The following CRACR2A variants were observed in gnomAD, a reference collection of about 807,000 sequenced individuals.
CRACR2A encodes calcium release activated channel regulator 2A.
Under a neutral mutation model 90.5 loss-of-function variants are expected in CRACR2A, and 79 were observed. That is an observed-to-expected ratio of 0.87 (90% CI 0.73 to 1.05). CRACR2A has a LOEUF of 1.05. Ranked by LOEUF, CRACR2A falls within the 50% of genes least tolerant of loss-of-function variation. CRACR2A has a pLI of 0.00. For synonymous variants in CRACR2A, 338 were observed against 356.7 expected (o/e 0.95, Z 0.59); for missense variants, 823 against 897.2 (o/e 0.92, Z 1.06).
At chr12:3,723,630 C>A (rs565494367) in intron 2 of CRACR2A, among the ~76,000 whole-genome samples, 1 of 152,068 alleles carries the variant, frequency 6.6e-6, no homozygotes, top group Non-Finnish European at 1.5e-5. Context: ...CCATCCTGCT[C>A]CCTAACCTCA....
intron 2 of CRACR2A, among the ~76,000 whole-genome samples, chr12:3,721,476 C>T (rs1162928338): frequency 1.3e-5 from 2 of 151,440 alleles, no homozygotes. Flanking sequence ...TGCCTGTAGT[C>T]CTAGCTACTT....
chr12:3,734,213 G>A (rs192793366), intron 1 of CRACR2A, among the ~76,000 whole-genome samples: 1,656 of 151,788 alleles, frequency 0.011, 31 homozygotes, highest in African/African-American at 0.038. Context: ...TCCTGACCTC[G>A]TGATCTGCCC....
intron 4 of CRACR2A, among the ~76,000 whole-genome samples, chr12:3,688,701 T>C (rs1407482919): frequency 6.6e-6 from 1 of 152,236 alleles, no homozygotes; most frequent in Non-Finnish European, 1.5e-5. Flanking sequence ...AATTTTAAAA[T>C]AGTTTTTTCT....
chr12:3,696,274 G>A (rs1945738620), intron 4 of CRACR2A, among the ~76,000 whole-genome samples: 1 of 152,226 alleles, frequency 6.6e-6, no homozygotes, highest in Non-Finnish European at 1.5e-5. Flanking sequence ...GTGCACTGAT[G>A]CTCTGCATAC....
At chr12:3,664,655 G>A (rs1945095409) in intron 7 of CRACR2A, among the ~76,000 whole-genome samples, 1 of 152,188 alleles carries the variant, frequency 6.6e-6, no homozygotes, top group South Asian at 2.1e-4. Flanking sequence ...TCTCTGAGAT[G>A]TTAATTAGTG....
Position 3,673,454 on chromosome 12 carries a change from G to C in CRACR2A, c.663C>G (p.Ala221=). The part of the protein sequence containing the change: ...AHEEKNELEC[A]LKRKIAAYDE... ...GACACTGGGGTACCCACCTTTTTAGGGCACACTCCAGTTCATTCTTCTCCT... is the reference window on the plus strand; with the variant it reads ...GACACTGGGGTACCCACCTTTTTAGCGCACACTCCAGTTCATTCTTCTCCT... Residue 221 remains alanine, a synonymous_variant, in exon 7 of 20, where the codon GCC becomes GCG. Transcript: ENST00000440314. 6.2e-7 allele frequency: 1 copy of C among 1,610,976 alleles called. No individual in the cohort carries two copies. The highest frequency in any genetic ancestry group is 8.5e-7 in the Non-Finnish European group (1 of 1,179,202).
chr12:3,638,370 C>T lies in CRACR2A; in HGVS notation c.1356G>A (p.Glu452=), dbSNP rs1192888757. 3.2e-6 allele frequency: 5 copies of T among 1,551,552 alleles called. No individual in the cohort carries two copies. The African/African-American group carries it at 6.8e-5, about 21-fold the overall frequency. Residue 452 remains glutamate, a synonymous_variant, in exon 14 of 20, where the codon GAG becomes GAA. Transcript: ENST00000440314. ...GLSGYPLTEE[E]PGTGEPGPGG... is the part of the protein sequence containing the mutation. Reference sequence around the variant, plus strand: ...CAGGCCCTGGCTCCCCGGTTCCTGGCTCCTCTTCTGTTAGGGGATATCCAC... The same window carrying T: ...CAGGCCCTGGCTCCCCGGTTCCTGGTTCCTCTTCTGTTAGGGGATATCCAC...
At chr12:3,700,322 C>T in intron 3 of CRACR2A, among the ~76,000 whole-genome samples, 1 of 152,102 alleles carries the variant, frequency 6.6e-6, no homozygotes, top group Middle Eastern at 3.2e-3. Flanking sequence ...AAGCTCTGTT[C>T]CTGAGACATA....
intron 10 of CRACR2A, among the ~76,000 whole-genome samples, chr12:3,653,531 T>C (rs1944839025): frequency 6.6e-6 from 1 of 152,158 alleles, no homozygotes; most frequent in Non-Finnish European, 1.5e-5. Context: ...TCCTCCAGCT[T>C]AAGGTGCAGA....
At chr12:3,697,972 T>C (rs1233143621) in intron 3 of CRACR2A, among the ~76,000 whole-genome samples, 1 of 152,228 alleles carries the variant, frequency 6.6e-6, no homozygotes, top group Non-Finnish European at 1.5e-5. Flanking sequence ...CTGCTGCTTA[T>C]ATGACCTTGA....
chr12:3,652,803 A>C (rs1024011379), intron 10 of CRACR2A, among the ~76,000 whole-genome samples: 1 of 152,222 alleles, frequency 6.6e-6, no homozygotes, highest in African/African-American at 2.4e-5. Flanking sequence ...TGAAGAGTGC[A>C]TAAACGAATG....
chr12:3,666,989 G>GGCA (rs1242862956), intron 7 of CRACR2A, among the ~76,000 whole-genome samples: 2 of 152,314 alleles, frequency 1.3e-5, no homozygotes, highest in African/African-American at 4.8e-5. Flanking sequence ...TTGAACTCAA[G>GGCA]GCAGAGTTTC....
At position 3,719,598 on chromosome 12, in the gene CRACR2A, C is replaced by T. The variant is rs115146521; in HGVS notation, c.-117-6281G>A. Among the ~76,000 whole-genome samples, 257 of 152,268 alleles carry T rather than the reference C, an allele frequency of 1.7e-3. 2 individuals are homozygous for T. Among genetic ancestry groups the T allele is most frequent in the African/African-American group, 6.0e-3 (250 of 41,542 alleles). ...GATGCTTTTCATCAGAAGCCAAAAC[C>T]GTGCAGACTCTTTCCTTGATCTGGT... On this transcript the variant is annotated intron_variant, in intron 2 of 19. Coordinates refer to ENST00000440314, the MANE Select transcript of CRACR2A (RefSeq NM_001144958.2).
chr12:3,720,544 G>A (rs888332509), intron 2 of CRACR2A, among the ~76,000 whole-genome samples: 2 of 152,214 alleles, frequency 1.3e-5, no homozygotes, highest in African/African-American at 4.8e-5. Context: ...CACAGGTCTC[G>A]ACGGGATCCT....
intron 3 of CRACR2A, among the ~76,000 whole-genome samples, chr12:3,709,056 C>T (rs1945972558): frequency 6.6e-6 from 1 of 152,184 alleles, no homozygotes; most frequent in African/African-American, 2.4e-5. Flanking sequence ...GTGGGAGATA[C>T]AGATTTGTAT....
intron 6 of CRACR2A, among the ~76,000 whole-genome samples, chr12:3,677,549 G>A (rs242028): frequency 0.5 from 76,626 of 151,824 alleles, 19,869 homozygotes; most frequent in Middle Eastern, 0.63. Context: ...CCTTCCTTCC[G>A]TTACGGTGCC....
intron 6 of CRACR2A, 128 bp downstream of exon 6, chr12:3,678,787 T>C: frequency 9.9e-7 from 1 of 1,012,260 alleles, no homozygotes; most frequent in South Asian, 2.0e-5. Flanking sequence ...CCAGCGGGCC[T>C]TTACCTGCAC....
At chr12:3,714,106 CAT>C (rs1946047297) in intron 2 of CRACR2A, among the ~76,000 whole-genome samples, 1 of 152,238 alleles carries the variant, frequency 6.6e-6, no homozygotes, top group Non-Finnish European at 1.5e-5. Flanking sequence ...CTGTGCCTCT[CAT>C]ATGCACAATT....
At chr12:3,750,577 T>C (rs1196075540) in intron 1 of CRACR2A, among the ~76,000 whole-genome samples, 8 of 152,196 alleles carry the variant, frequency 5.3e-5, no homozygotes. Flanking sequence ...TTGGAAAATA[T>C]AAAATCTGAA....
Sources: allele counts gnomAD v4.1 joint callset (sites outside exome capture counted in the v4.1 genomes callset), GRCh38; gene constraint gnomAD v4.1.1; transcripts MANE v1.5; gene names NCBI Gene and HGNC (gene_info 2026-07-23, HGNC 2026-07-21).